SEMA6D: variants seen among roughly 807,000 people sequenced by gnomAD.
The protein encoded by SEMA6D is semaphorin 6D.
Under a neutral mutation model 106.6 loss-of-function variants are expected in SEMA6D, and 35 were observed. That is an observed-to-expected ratio of 0.33 (90% CI 0.25 to 0.44). The LOEUF (loss-of-function observed/expected upper bound fraction) is 0.44. Among genes scored for constraint, SEMA6D ranks in the 20% least tolerant of loss-of-function variants. SEMA6D has a pLI of 1.00. For synonymous variants in SEMA6D, 499 were observed against 487.7 expected, an observed-to-expected ratio of 1.02 and a Z score of -0.31; for missense variants, 1,185 against 1,345.9, an observed-to-expected ratio of 0.88 and a Z score of 1.87.
chr15:47,761,292 C>G (rs1380633141), intron 5 of SEMA6D, 38 bp from the exon 6 acceptor site: 2 of 1,609,234 alleles, frequency 1.2e-6, no homozygotes, highest in Non-Finnish European at 1.7e-6. Flanking sequence ...CCAGCATGTT[C>G]AAATGTCTAA....
chr15:47,436,392 C>CA lies in SEMA6D; in HGVS notation c.-159+23932dup, dbSNP rs963905868. Among the ~76,000 whole-genome samples the CA allele has an allele frequency of 2.7e-3, 338 of 126,010 alleles. 2 individuals are homozygous for CA. Among genetic ancestry groups the CA allele is most frequent in the African/African-American group, 5.7e-3 (196 of 34,264 alleles). The allele number at this position is 126,010 out of a possible 152,430, so 82.7% of individuals were successfully genotyped here. A position where few individuals can be genotyped will look rare whatever the true frequency, so the allele number is the denominator to read the frequency against. ...GCAACAAAAGTGAAAGTCTGTCTCA[C>CA]AAAAAAAAAAAAGAAAAAAGACTTT... is the stretch of plus-strand genomic sequence containing the variant. On this transcript the variant is annotated intron_variant, in intron 2 of 19. Transcript: ENST00000558014.
intron 1 of SEMA6D, among the ~76,000 whole-genome samples, chr15:47,189,002 T>C (rs1893765177): frequency 6.6e-6 from 1 of 152,170 alleles, no homozygotes; most frequent in South Asian, 2.1e-4. Flanking sequence ...AAAACACTAT[T>C]ATAGCACCAA....
chr15:47,218,820 C>T (rs1222284747), intron 1 of SEMA6D, among the ~76,000 whole-genome samples: 1 of 152,170 alleles, frequency 6.6e-6, no homozygotes, highest in East Asian at 1.9e-4. Flanking sequence ...ATTCTTCTCT[C>T]CATCTTGGAG....
At chr15:47,319,064 T>A (rs991561204) in intron 1 of SEMA6D, among the ~76,000 whole-genome samples, 1 of 152,198 alleles carries the variant, frequency 6.6e-6, no homozygotes, top group Non-Finnish European at 1.5e-5. Flanking sequence ...TTTCAGTTTT[T>A]CAAGTTTCTG....
At chr15:47,741,846 G>C (rs1270058920) in intron 1 of SEMA6D, among the ~76,000 whole-genome samples, 2 of 152,214 alleles carry the variant, frequency 1.3e-5, no homozygotes, top group Non-Finnish European at 2.9e-5. Flanking sequence ...CATAGATCCT[G>C]CCTTCGAGGA....
intron 4 of SEMA6D, among the ~76,000 whole-genome samples, chr15:47,691,484 T>C (rs2078584875): frequency 1.3e-5 from 2 of 152,178 alleles, no homozygotes; most frequent in African/African-American, 2.4e-5. Flanking sequence ...ATGGGTTAGA[T>C]TGTCCAAGGT....
intron 3 of SEMA6D, among the ~76,000 whole-genome samples, chr15:47,553,201 G>T: frequency 6.6e-6 from 1 of 151,768 alleles, no homozygotes; most frequent in Admixed American, 6.6e-5. Flanking sequence ...ACCGCGCCCA[G>T]CCAACCTGTT....
intron 2 of SEMA6D, among the ~76,000 whole-genome samples, chr15:47,458,987 A>C (rs1172957484): frequency 6.6e-6 from 1 of 152,034 alleles, no homozygotes; most frequent in Non-Finnish European, 1.5e-5. Context: ...GTAATCTTCT[A>C]CCCTTGAGCG....
At chr15:47,677,199 T>C (rs2078264093) in intron 4 of SEMA6D, among the ~76,000 whole-genome samples, 1 of 152,090 alleles carries the variant, frequency 6.6e-6, no homozygotes, top group Admixed American at 6.5e-5. Flanking sequence ...TGGGGACCCC[T>C]GTTGTAAAGG....
At chr15:47,184,590 G>T (rs1047991077) in intron 1 of SEMA6D, among the ~76,000 whole-genome samples, 20 of 152,160 alleles carry the variant, frequency 1.3e-4, no homozygotes, top group Admixed American at 1.3e-3. Flanking sequence ...ACCCGACCGC[G>T]AGGCCCGCCG....
At chr15:47,225,776 C>A (rs1272550656) in intron 1 of SEMA6D, among the ~76,000 whole-genome samples, 2 of 151,966 alleles carry the variant, frequency 1.3e-5, no homozygotes. Context: ...GTAATCCGCC[C>A]ACCATGGCCT....
chr15:47,765,897 A>C lies in SEMA6D; in HGVS notation c.1456A>C (p.Lys486Gln), dbSNP rs747940778. ...CAGTGCTGAGAATGAGGAAGACAAA[A>C]AGGTCATCTCATTACAGTTGGATAA... is the stretch of plus-strand genomic sequence containing the variant. ...KCSAENEEDK[K>Q]VISLQLDKDH... The change falls in exon 14 of 19, where the codon AAG (lysine) becomes CAG (glutamine). Residue 486 changes from lysine (K) to glutamine (Q), a missense_variant. Lys to Gln is a moderately conservative substitution (Grantham distance 53, BLOSUM62 1). Transcript: ENST00000536845. The C allele has an allele frequency of 9.2e-6, 14 of 1,528,736 alleles. No individual in the cohort carries two copies. The highest frequency in any genetic ancestry group is 8.5e-5 in the Admixed American group (4 of 46,920). The allele number at this position is 1,528,736 out of a possible 1,614,324, so 94.7% of individuals were successfully genotyped here.
At chr15:47,614,521 T>C (rs12914000) in intron 4 of SEMA6D, among the ~76,000 whole-genome samples, 16,734 of 152,250 alleles carry the variant, frequency 0.11, 1,317 homozygotes, top group Non-Finnish European at 0.17. Context: ...CTAAAGTCAT[T>C]TGGATCCCAG....
chr15:47,459,589 T>A (rs950596504), intron 2 of SEMA6D, among the ~76,000 whole-genome samples: 1 of 151,656 alleles, frequency 6.6e-6, no homozygotes, highest in East Asian at 1.9e-4. Context: ...GAAGTAACAG[T>A]GGAAATCAAA....
At chr15:47,407,400 C>CAAAAAAAAAAAAA (rs1272439298) in intron 1 of SEMA6D, among the ~76,000 whole-genome samples, 2 of 85,220 alleles carry the variant, frequency 2.3e-5, no homozygotes, top group Non-Finnish European at 5.4e-5. Context: ...AAAACAACAA[C>CAAAAAAAAAAAAA]AACAACAACA....
At chr15:47,217,166 G>T (rs969953560) in intron 1 of SEMA6D, among the ~76,000 whole-genome samples, 1 of 152,140 alleles carries the variant, frequency 6.6e-6, no homozygotes, top group East Asian at 1.9e-4. Flanking sequence ...GTCATCCCGT[G>T]TATGGTATTT....
chr15:47,271,100 CA>C (rs1423127132), intron 1 of SEMA6D, among the ~76,000 whole-genome samples: 10 of 152,182 alleles, frequency 6.6e-5, no homozygotes, highest in African/African-American at 2.4e-4. Context: ...ATGAAATACA[CA>C]AACCGGAATT....
intron 2 of SEMA6D, among the ~76,000 whole-genome samples, chr15:47,443,119 G>A (rs2041930817): frequency 6.6e-6 from 1 of 152,046 alleles, no homozygotes; most frequent in Non-Finnish European, 1.5e-5. Flanking sequence ...TCTATCACAT[G>A]GAATGTAATG....
At chr15:47,223,547 A>G (rs1399184008) in intron 1 of SEMA6D, among the ~76,000 whole-genome samples, 2 of 151,764 alleles carry the variant, frequency 1.3e-5, no homozygotes, top group African/African-American at 4.8e-5. Context: ...TGTGCTTCAT[A>G]TGGACAGTTT....
Sources: allele counts gnomAD v4.1 joint callset (sites outside exome capture counted in the v4.1 genomes callset), GRCh38; gene constraint gnomAD v4.1.1; transcripts MANE v1.5; gene names NCBI Gene and HGNC (gene_info 2026-07-23, HGNC 2026-07-21).